SP2: variants seen among roughly 807,000 people sequenced by gnomAD.
SP2 encodes Sp2 transcription factor.
In SP2, 9 loss-of-function variants were observed where a neutral mutation model predicts 50.1. The observed-to-expected ratio is 0.18, with a 90% CI of 0.11 to 0.31. The LOEUF is 0.31. Among genes scored for constraint, SP2 ranks in the 10% least tolerant of loss-of-function variants. The pLI, the probability that SP2 is intolerant of heterozygous loss-of-function variation, is 1.00. For missense variants in SP2, 581 were observed against 806.5 expected (o/e 0.72, Z 3.39); for synonymous variants, 313 against 326.6 (o/e 0.96, Z 0.45).
At chr17:47,925,132 G>C (rs775304204) in intron 5 of SP2, 39 bp downstream of exon 5, 1 of 1,565,134 alleles carries the variant, frequency 6.4e-7, no homozygotes, top group African/African-American at 1.3e-5. Flanking sequence ...AGGCTGGCCT[G>C]TGTTCCCCAA....
chr17:47,927,250 G>C (rs530067617), intron 6 of SP2, among the ~76,000 whole-genome samples: 3 of 151,962 alleles, frequency 2.0e-5, no homozygotes, highest in Non-Finnish European at 4.4e-5. Context: ...TAGATGAGTA[G>C]GGGCCAAGCA....
chr17:47,897,003 T>C (rs978285236), intron 1 of SP2, among the ~76,000 whole-genome samples: 12 of 152,248 alleles, frequency 7.9e-5, no homozygotes, highest in South Asian at 2.1e-4. Flanking sequence ...CTTAGCAGAA[T>C]TGTGAGAAGT....
intron 1 of SP2, among the ~76,000 whole-genome samples, chr17:47,914,420 G>A (rs1024142665): frequency 4.6e-5 from 7 of 152,238 alleles, no homozygotes; most frequent in African/African-American, 1.4e-4. Context: ...GCTGCCTGGG[G>A]ACAACGGCCT....
chr17:47,916,369 C>A lies in SP2; in HGVS notation c.298C>A (p.Gln100Lys). 1 of 1,614,154 alleles carries A rather than the reference C, an allele frequency of 6.2e-7. No homozygotes were observed. Among genetic ancestry groups the A allele is most frequent in the Non-Finnish European group, 8.5e-7 (1 of 1,180,000 alleles). Reference protein sequence around the residue: ...KGNILQIQGSQLSASYPGGQL... With the variant: ...KGNILQIQGSKLSASYPGGQL... Reference sequence around the variant, plus strand: ...AAATATACTTCAGATTCAGGGGTCACAACTGAGCGCCTCCTATCCTGGAGG... The same window carrying A: ...AAATATACTTCAGATTCAGGGGTCAAAACTGAGCGCCTCCTATCCTGGAGG... Residue 100 changes from glutamine (Q) to lysine (K), a missense_variant, in exon 3 of 7, where the codon CAA becomes AAA. By Grantham distance (53) the Gln-to-Lys change is moderately conservative. Transcript: ENST00000376741. The surrounding 1 kb of genome is among the most constrained non-coding windows in gnomAD (Gnocchi z 4.7).
At position 47,917,106 on chromosome 17, in the gene SP2, G is replaced by A. The variant is rs78896229; in HGVS notation, c.1035G>A (p.Gln345=). Residue 345 remains glutamine, a synonymous_variant, in exon 3 of 7, where the codon CAG becomes CAA. Coordinates refer to ENST00000376741, the MANE Select transcript of SP2 (RefSeq NM_003110.6). ...PQKPSQNFQI[Q]AAEPTPTQVY... is the part of the protein sequence containing the mutation. ...AGCCCTCCCAGAACTTTCAGATCCA[G>A]GCAGCTGAGCCGACACCTACTCAGG... 197 of 1,611,820 alleles carry A rather than the reference G, an allele frequency of 1.2e-4. No homozygotes were observed. In the East Asian group the frequency reaches 2.1e-3, roughly 17 times the overall value.
At chr17:47,903,447 C>T (rs2034623176) in intron 1 of SP2, among the ~76,000 whole-genome samples, 1 of 151,156 alleles carries the variant, frequency 6.6e-6, no homozygotes, top group African/African-American at 2.4e-5. Context: ...GGGCAGATCA[C>T]TTGAGGTTAG....
At chr17:47,900,686 G>C (rs2034504904) in intron 1 of SP2, among the ~76,000 whole-genome samples, 1 of 152,152 alleles carries the variant, frequency 6.6e-6, no homozygotes, top group South Asian at 2.1e-4. Flanking sequence ...CTGAGGCACG[G>C]GAATCACTTG....
chr17:47,928,247 G>A lies in SP2; in HGVS notation c.*423G>A, dbSNP rs573081489. On this transcript the variant is annotated 3_prime_UTR_variant, in exon 7 of 7. Coordinates refer to ENST00000376741, the MANE Select transcript of SP2 (RefSeq NM_003110.6). The stretch of plus-strand genomic sequence containing the variant: ...TCTCCTGCACCTCCCTGGCCCTGCC[G>A]GCCACTGTGGACGCCCTGGGGCTTG... The A allele has an allele frequency of 5.6e-4, 85 of 152,602 alleles. No individual in the cohort carries two copies. In the South Asian group the frequency reaches 9.9e-3, roughly 18 times the overall value. 9.5% of individuals were successfully genotyped at this position (152,602 alleles called of 1,614,324 possible).
chr17:47,924,844 TGCAGAAGG>T (rs1424765680), intron 4 of SP2, 67 bp from the exon 5 acceptor site: 3 of 1,347,540 alleles, frequency 2.2e-6, no homozygotes, highest in Non-Finnish European at 3.1e-6. Flanking sequence ...CTTTGTCATG[TGCAGAAGG>T]GCAGAAGGGT....
chr17:47,914,639 A>T (rs2035119248), intron 1 of SP2: 1 of 152,466 alleles, frequency 6.6e-6, no homozygotes, highest in African/African-American at 2.4e-5. Context: ...TTAGCTATGG[A>T]GAGCCAGCAG....
chr17:47,897,996 T>A, intron 1 of SP2: 1 of 434,558 alleles, frequency 2.3e-6, no homozygotes, highest in Non-Finnish European at 3.1e-6. Flanking sequence ...TAAAAGCAAC[T>A]ACAAGAAAAA....
At chr17:47,909,429 T>G (rs2034894447) in intron 1 of SP2, among the ~76,000 whole-genome samples, 1 of 152,174 alleles carries the variant, frequency 6.6e-6, no homozygotes, top group Non-Finnish European at 1.5e-5. Context: ...TTATTTTTTT[T>G]AATATACAGA....
intron 2 of SP2, among the ~76,000 whole-genome samples, chr17:47,915,782 C>T (rs1289608659): frequency 1.3e-5 from 2 of 152,262 alleles, no homozygotes; most frequent in South Asian, 4.1e-4. Flanking sequence ...CTCAGTTGAG[C>T]AATCAGGGAC....
intron 1 of SP2, chr17:47,914,801 G>A (rs1406463852): frequency 6.6e-6 from 1 of 152,350 alleles, no homozygotes; most frequent in African/African-American, 2.4e-5. Context: ...GGCTGAGTCT[G>A]AGGAGAGGAG....
In SP2 at chr17:47,916,933, C is replaced by G; in HGVS notation, c.862C>G (p.Gln288Glu). The change falls in exon 3 of 7, where the codon CAG becomes GAG. Residue 288 changes from glutamine to glutamate, a missense_variant. Physicochemically the swap from Gln to Glu is conservative, Grantham distance 29. This residue lies in a region of SP2 where 397 missense variants were observed against 491.0 expected (regional missense o/e 0.81). Coordinates refer to ENST00000376741, the MANE Select transcript of SP2 (RefSeq NM_003110.6). This position sits in a 1 kb window ranked among gnomAD's most constrained non-coding sequence, Gnocchi z 4.7. ...GGCAGGAAATAACCTGCTCATTGTT[C>G]AGAGCCCTGGTGGGGGCCAGCCAGC... ...IQAGNNLLIV[Q>E]SPGGGQPAVV... The G allele has an allele frequency of 1.2e-6, 2 of 1,614,186 alleles. No homozygotes were observed. The highest frequency in any genetic ancestry group is 1.7e-6 in the Non-Finnish European group (2 of 1,180,022).
At chr17:47,912,442 C>CTTTTTT (rs536634603) in intron 1 of SP2, among the ~76,000 whole-genome samples, 18 of 140,194 alleles carry the variant, frequency 1.3e-4, no homozygotes, top group African/African-American at 3.7e-4. Flanking sequence ...TCCACTTCAC[C>CTTTTTT]TTTTTTTTTT....
At chr17:47,906,531 C>G (rs1294462466) in intron 1 of SP2, among the ~76,000 whole-genome samples, 1 of 152,152 alleles carries the variant, frequency 6.6e-6, no homozygotes, top group African/African-American at 2.4e-5. Flanking sequence ...AGAAAGGCCT[C>G]TCTGAGGAAA....
rs1383123048 is a variant in SP2 at position 47,925,211 on chromosome 17, G to T, written c.1547+118G>T. On this transcript the variant is annotated intron_variant, in intron 5 of 6. Transcript: ENST00000376741. ...CAGGCAAGGAAGAGCTGGCAGCTCT[G>T]TGCCACCTTGCCCCCTGCCTCCTTG... 4.9e-6 allele frequency: 7 copies of T among 1,431,304 alleles called. No homozygotes were observed. In the African/African-American group the frequency reaches 9.9e-5, roughly 20 times the overall value. The allele number at this position is 1,431,304 out of a possible 1,614,324, so 88.7% of individuals were successfully genotyped here. A position where few individuals can be genotyped will look rare whatever the true frequency, so the allele number is the denominator to read the frequency against.
intron 3 of SP2, 34 bp from the exon 4 acceptor site, chr17:47,922,928 C>T: frequency 1.3e-6 from 2 of 1,580,660 alleles, no homozygotes; most frequent in Non-Finnish European, 1.7e-6. Context: ...TAGTCTCTTC[C>T]AGGCACTGAT....
Sources: gnomAD v4.1 joint callset for allele counts (sites outside exome capture counted in the v4.1 genomes callset) on GRCh38, gnomAD v4.1.1 for gene constraint, gnomAD v4.1.1 regional missense constraint, Gnocchi (gnomAD v3.1) non-coding constraint, MANE v1.5 for transcripts, NCBI Gene and HGNC (gene_info 2026-07-23, HGNC 2026-07-21) for gene names.